Variants in FAXC observed in about 807,000 individuals in gnomAD.
FAXC encodes failed axon connections homolog, metaxin like GST domain containing, also known as failed axon connections homolog.
Under a neutral mutation model 41.9 loss-of-function variants are expected in FAXC, and 10 were observed. The observed-to-expected ratio is 0.24, with a 90% CI of 0.15 to 0.41. The LOEUF is 0.41. Ranked by LOEUF, FAXC falls within the 10% of genes least tolerant of loss-of-function variation. FAXC has a pLI of 1.00. For synonymous variants in FAXC, 183 were observed against 183.8 expected, an observed-to-expected ratio of 1.00 and a Z score of 0.03; for missense variants, 399 against 510.9, an observed-to-expected ratio of 0.78 and a Z score of 2.11.
chr6:99,333,422 G>A lies in FAXC; in HGVS notation c.528C>T (p.Asn176=). The part of the protein sequence containing the change: ...FLEEKLGVNL[N]KNLGPHERAI... ...CTCTTTCATGAGGGCCAAGGTTTTT[G>A]TTTAAATTCACTCCAAGCTTCTCTT... The change falls in exon 3 of 6, where the codon AAC becomes AAT. Residue 176 remains asparagine (N), a synonymous_variant. Coordinates refer to ENST00000389677, the MANE Select transcript of FAXC (RefSeq NM_032511.4). 6.2e-7 allele frequency: 1 copy of A among 1,614,086 alleles called. No homozygotes were observed. Among genetic ancestry groups the A allele is most frequent in the South Asian group, 1.1e-5 (1 of 91,076 alleles).
At chr6:99,281,580 G>T in intron 5 of FAXC, 127 bp from the exon 6 acceptor site, 1 of 772,596 alleles carries the variant, frequency 1.3e-6, no homozygotes, top group Admixed American at 2.4e-5. Flanking sequence ...TAAGGAGGTG[G>T]GGCCTTTAAG....
rs1457931722 is a variant in FAXC at position 99,274,145 on chromosome 6, T to A, written c.*7019A>T. The A allele has an allele frequency of 6.6e-6, 1 of 152,140 alleles. No homozygotes were observed. The highest frequency in any genetic ancestry group is 1.5e-5 in the Non-Finnish European group (1 of 68,026). 9.4% of individuals were successfully genotyped at this position (152,140 alleles called of 1,614,324 possible). A position where few individuals can be genotyped will look rare whatever the true frequency, so the allele number is the denominator to read the frequency against. ...TTCCAAAATTAAAGGAGTAAATGTA[T>A]CAGGGCCAGACCCTCTAAGCTGCTA... On this transcript the variant is annotated 3_prime_UTR_variant, in exon 6 of 6. Transcript: ENST00000389677.
Position 99,281,323 on chromosome 6 carries a change from C to A in FAXC, c.1071G>T (p.Pro357=). Reference sequence around the variant, plus strand: ...TTGAGTAAAAGCTAAAATCCAGCAGCGGGGTGTGGGTTTTGCTGCCTTCGC... The same window carrying A: ...TTGAGTAAAAGCTAAAATCCAGCAGAGGGGTGTGGGTTTTGCTGCCTTCGC... ...ESSEGSKTHT[P]LLDFSFYSRT... Residue 357 remains proline, a synonymous_variant, in exon 6 of 6, where the codon CCG becomes CCT. Transcript: ENST00000389677. The A allele has an allele frequency of 6.2e-7, 1 of 1,614,160 alleles. No individual in the cohort carries two copies. The highest frequency in any genetic ancestry group is 8.5e-7 in the Non-Finnish European group (1 of 1,180,022).
At chr6:99,304,612 T>C (rs992077938) in intron 4 of FAXC, among the ~76,000 whole-genome samples, 30 of 152,336 alleles carry the variant, frequency 2.0e-4, no homozygotes, top group African/African-American at 7.2e-4. Context: ...TATTGCCCTG[T>C]CTTATATGTA....
intron 3 of FAXC, among the ~76,000 whole-genome samples, chr6:99,324,999 C>A (rs1362573728): frequency 6.6e-6 from 1 of 151,990 alleles, no homozygotes; most frequent in Non-Finnish European, 1.5e-5. Flanking sequence ...CTGGGCAACA[C>A]ATAGTGGGAC....
intron 4 of FAXC, among the ~76,000 whole-genome samples, chr6:99,298,125 G>GCACT (rs2128452281): frequency 6.6e-6 from 1 of 152,268 alleles, no homozygotes; most frequent in South Asian, 2.1e-4. Context: ...ACTGTGAATA[G>GCACT]CACTGTTCCA....
In FAXC at chr6:99,273,118, A is replaced by C. The variant is rs1282602331; in HGVS notation, c.*8046T>G. On this transcript the variant is annotated 3_prime_UTR_variant, in exon 6 of 6. Coordinates refer to ENST00000389677, the MANE Select transcript of FAXC (RefSeq NM_032511.4). ...GTAACTCATAGATCCAGAAATAAAC[A>C]CTGAAATGCCATCTTCACATTGGGG... 6.6e-6 allele frequency: 1 copy of C among 152,188 alleles called. No individual in the cohort carries two copies. Among genetic ancestry groups the C allele is most frequent in the Non-Finnish European group, 1.5e-5 (1 of 68,040 alleles). 9.4% of individuals were successfully genotyped at this position (152,188 alleles called of 1,614,324 possible).
intron 2 of FAXC, among the ~76,000 whole-genome samples, chr6:99,341,976 TA>T (rs1377046429): frequency 1.3e-5 from 2 of 152,078 alleles, no homozygotes; most frequent in African/African-American, 4.8e-5. Flanking sequence ...AGTGAACTTT[TA>T]AAAAAAATAC....
chr6:99,293,300 C>T (rs1488372048), intron 4 of FAXC, among the ~76,000 whole-genome samples: 10 of 152,212 alleles, frequency 6.6e-5, no homozygotes, highest in Non-Finnish European at 1.2e-4. Flanking sequence ...TTCCCCAGCA[C>T]AATTTATGCC....
intron 4 of FAXC, 72 bp from the exon 5 acceptor site, chr6:99,291,892 A>G: frequency 9.6e-7 from 1 of 1,036,758 alleles, no homozygotes; most frequent in Non-Finnish European, 1.5e-6. Flanking sequence ...GGCATTTAGC[A>G]CATTCTATTA....
intron 4 of FAXC, among the ~76,000 whole-genome samples, chr6:99,297,405 C>T (rs1771539201): frequency 6.6e-6 from 1 of 152,052 alleles, no homozygotes; most frequent in Non-Finnish European, 1.5e-5. Context: ...AGAAGAATGG[C>T]CAGAATCCAG....
intron 3 of FAXC, among the ~76,000 whole-genome samples, chr6:99,326,806 ATTTAGAG>A (rs1287152122): frequency 6.6e-6 from 1 of 152,318 alleles, no homozygotes; most frequent in East Asian, 1.9e-4. Context: ...CTACAGAGAA[ATTTAGAG>A]TTCCTGCCTG....
intron 1 of FAXC, among the ~76,000 whole-genome samples, chr6:99,345,008 C>T (rs1400654068): frequency 1.3e-5 from 2 of 152,068 alleles, no homozygotes; most frequent in Non-Finnish European, 2.9e-5. Flanking sequence ...GGTACTGTTA[C>T]AGTTTAAATT....
intron 4 of FAXC, among the ~76,000 whole-genome samples, chr6:99,310,529 G>A (rs1193707277): frequency 6.6e-6 from 1 of 152,252 alleles, no homozygotes; most frequent in Non-Finnish European, 1.5e-5. Context: ...AGCAGTCAGG[G>A]CTGAAAGCCA....
intron 3 of FAXC, among the ~76,000 whole-genome samples, chr6:99,330,029 C>T (rs2128461870): frequency 1.3e-5 from 2 of 151,800 alleles, no homozygotes; most frequent in East Asian, 3.9e-4. Flanking sequence ...CGCCACCACA[C>T]CTGACTGTTT....
intron 4 of FAXC, among the ~76,000 whole-genome samples, chr6:99,302,002 A>AT (rs1771730008): frequency 6.6e-6 from 1 of 152,214 alleles, no homozygotes; most frequent in Admixed American, 6.5e-5. Flanking sequence ...GGGTCAAGAA[A>AT]CCAGATAGCC....
intron 4 of FAXC, among the ~76,000 whole-genome samples, chr6:99,309,210 GTT>G (rs919424278): frequency 1.3e-5 from 2 of 149,044 alleles, no homozygotes; most frequent in African/African-American, 4.9e-5. Context: ...TCTTGTAAGG[GTT>G]TTTTTTTTCT....
rs895354621 is a variant in FAXC at position 99,273,256 on chromosome 6, C to T, written c.*7908G>A. On this transcript the variant is annotated 3_prime_UTR_variant, in exon 6 of 6. Coordinates refer to ENST00000389677, the MANE Select transcript of FAXC (RefSeq NM_032511.4). ...GAAATGTGGGTTCAAATTATGCCAA[C>T]ATTGGCCCTTCCTATCTCAGATACC... The T allele has an allele frequency of 6.6e-6, 1 of 152,088 alleles. No individual in the cohort carries two copies. Among genetic ancestry groups the T allele is most frequent in the African/African-American group, 2.4e-5 (1 of 41,410 alleles). 9.4% of individuals were successfully genotyped at this position (152,088 alleles called of 1,614,324 possible).
intron 1 of FAXC, 90 bp from the exon 2 acceptor site, chr6:99,343,123 G>T: frequency 8.7e-7 from 1 of 1,153,130 alleles, no homozygotes; most frequent in Non-Finnish European, 1.2e-6. Context: ...CAGGGTTGTA[G>T]CTCCTCAATG....
Sources: gnomAD v4.1 joint callset for allele counts (sites outside exome capture counted in the v4.1 genomes callset) on GRCh38, gnomAD v4.1.1 for gene constraint, MANE v1.5 for transcripts, NCBI Gene and HGNC (gene_info 2026-07-23, HGNC 2026-07-21) for gene names.